The following WAPL variants were observed in gnomAD, a reference collection of about 807,000 sequenced individuals.
The protein encoded by WAPL is WAPL cohesin release factor, also known as wings apart-like protein homolog.
Under a neutral mutation model 121.0 loss-of-function variants are expected in WAPL, and 5 were observed. The observed-to-expected ratio is 0.04, with a 90% confidence interval of 0.02 to 0.09. The LOEUF (loss-of-function observed/expected upper bound fraction) is 0.09. WAPL is among the 10% of genes least tolerant of loss of function. The pLI, the probability that WAPL is intolerant of heterozygous loss-of-function variation, is 1.00. For missense variants in WAPL, 999 were observed against 1,410.8 expected, an observed-to-expected ratio of 0.71 and a Z score of 4.68; for synonymous variants, 480 against 481.5, an observed-to-expected ratio of 1.00 and a Z score of 0.04.
In WAPL at chr10:86,459,164, G is replaced by A. The variant is rs1025712025; in HGVS notation, c.2581-99C>T. Reference sequence around the variant, plus strand: ...TGGTGCGTAAAAGATACAAAGATGAGGAAGAAACAGCCCTTGTTACCAAAG... The same window carrying A: ...TGGTGCGTAAAAGATACAAAGATGAAGAAGAAACAGCCCTTGTTACCAAAG... On this transcript the variant is annotated intron_variant, in intron 11 of 18. Coordinates refer to ENST00000298767, the MANE Select transcript of WAPL (RefSeq NM_015045.5). The A allele has an allele frequency of 2.4e-5, 21 of 892,496 alleles. 1 individual carries two copies. The African/African-American group carries it at 2.4e-4, about 10-fold the overall frequency. The allele number at this position is 892,496 out of a possible 1,614,324, so 55.3% of individuals were successfully genotyped here.
chr10:86,518,700 C>T (rs760574195), intron 1 of WAPL, among the ~76,000 whole-genome samples: 1 of 152,190 alleles, frequency 6.6e-6, no homozygotes, highest in Admixed American at 6.5e-5. Flanking sequence ...AAATCTTAAG[C>T]ACAGAATGTT....
At position 86,518,115 on chromosome 10, in the gene WAPL, C is replaced by T. The variant is rs752459483; in HGVS notation, c.-22-24G>A. 4.9e-5 allele frequency: 77 copies of T among 1,585,120 alleles called. No homozygotes were observed. In the Middle Eastern group the frequency reaches 6.7e-4, roughly 14 times the overall value. On this transcript the variant is annotated intron_variant, in intron 1 of 18. Coordinates refer to ENST00000298767, the MANE Select transcript of WAPL (RefSeq NM_015045.5). The stretch of plus-strand genomic sequence containing the variant: ...CTCTGTGAAAAAAAATTTAAGAAAA[C>T]ATATAATCATCAAATACAAGTGTTA...
At chr10:86,515,707 G>A (rs186288724) in intron 2 of WAPL, among the ~76,000 whole-genome samples, 161 of 152,080 alleles carry the variant, frequency 1.1e-3, no homozygotes, top group Middle Eastern at 3.4e-3. Flanking sequence ...ACTTGAATCC[G>A]GGAAGCGGAG....
chr10:86,506,848 C>G (rs1035041607), intron 2 of WAPL, among the ~76,000 whole-genome samples: 1 of 152,102 alleles, frequency 6.6e-6, no homozygotes, highest in South Asian at 2.1e-4. Flanking sequence ...TTGCCCTACA[C>G]TGGACTAAGG....
intron 4 of WAPL, among the ~76,000 whole-genome samples, chr10:86,492,865 G>A (rs1842077061): frequency 6.6e-6 from 1 of 152,092 alleles, no homozygotes; most frequent in African/African-American, 2.4e-5. Flanking sequence ...AGACCATCCT[G>A]GCTAACACTG....
At position 86,445,680 on chromosome 10, in the gene WAPL, A is replaced by G. The variant is rs911381601; in HGVS notation, c.3322+562T>C. ...CCTAGGACTACAGGCTTGTGCCACC[A>G]TGCCAGGCTAATTTTTTATATTTTT... On this transcript the variant is annotated intron_variant, in intron 16 of 18. Transcript: ENST00000298767. Among the ~76,000 whole-genome samples the G allele has an allele frequency of 6.6e-5, 10 of 152,214 alleles. No homozygotes were observed. The East Asian group carries it at 1.7e-3, about 26-fold the overall frequency.
intron 9 of WAPL, among the ~76,000 whole-genome samples, chr10:86,463,388 C>CCCCTAAAACCTTCCAATGGGA (rs1167140180): frequency 1.3e-5 from 2 of 152,192 alleles, no homozygotes; most frequent in Non-Finnish European, 2.9e-5. Flanking sequence ...TGTTTTACTG[C>CCCCTAAAACCTTCCAATGGGA]CCCTAAAACC....
At position 86,446,340 on chromosome 10, in the gene WAPL, G is replaced by C; in HGVS notation, c.3224C>G (p.Thr1075Arg). 6.2e-7 allele frequency: 1 copy of C among 1,613,948 alleles called. No homozygotes were observed. The highest frequency in any genetic ancestry group is 2.2e-5 in the East Asian group (1 of 44,866). Reference protein sequence around the residue: ...QHDKSGEWQETSGEIQWVSTE... With the variant: ...QHDKSGEWQERSGEIQWVSTE... The stretch of plus-strand genomic sequence containing the variant: ...TGACACCCACTGTATTTCTCCACTT[G>C]TTTCTTGCCACTCTCCACTCTTATC... The change falls in exon 16 of 19, where the codon ACA becomes AGA. Residue 1075 changes from threonine (T) to arginine (R), a missense_variant. Thr to Arg is a moderately conservative substitution (Grantham distance 71, BLOSUM62 -1). This residue lies in a region of WAPL where 126 missense variants were observed against 144.0 expected (regional missense o/e 0.87). Coordinates refer to ENST00000298767, the MANE Select transcript of WAPL (RefSeq NM_015045.5).
chr10:86,469,629 A>T (rs535320818), intron 8 of WAPL, among the ~76,000 whole-genome samples: 19 of 152,270 alleles, frequency 1.2e-4, no homozygotes, highest in African/African-American at 4.6e-4. Context: ...AAAAGGTCTT[A>T]CATTTGGGAT....
Position 86,500,693 on chromosome 10 carries a change from G to C in WAPL, c.550C>G (p.His184Asp), listed in dbSNP as rs770171963. 2.5e-6 allele frequency: 4 copies of C among 1,595,634 alleles called. No homozygotes were observed. The highest frequency in any genetic ancestry group is 3.4e-6 in the Non-Finnish European group (4 of 1,175,030). Residue 184 changes from histidine (H) to aspartate (D), a missense_variant, in exon 3 of 19, where the codon CAC (histidine) becomes GAC (aspartate). His to Asp is a moderately conservative substitution (Grantham distance 81). Around this residue, in one of 7 missense-constraint regions of WAPL, gnomAD observed 531 missense variants for 563.1 expected, o/e 0.94. Coordinates refer to ENST00000298767, the MANE Select transcript of WAPL (RefSeq NM_015045.5). The part of the protein sequence containing the change: ...EEHEKNSHHI[H>D]KNADDSTKKP... ...TTAGTACTGTCATCAGCATTTTTGT[G>C]AATATGGTGACTATTCTTTTCATGT...
At chr10:86,518,460 G>A (rs949933281) in intron 1 of WAPL, among the ~76,000 whole-genome samples, 2 of 152,054 alleles carry the variant, frequency 1.3e-5, no homozygotes, top group Non-Finnish European at 2.9e-5. Flanking sequence ...TATCTGTATA[G>A]AGGCTGGGAG....
chr10:86,512,590 C>T (rs1224172334), intron 2 of WAPL, among the ~76,000 whole-genome samples: 1 of 152,202 alleles, frequency 6.6e-6, no homozygotes, highest in Non-Finnish European at 1.5e-5. Flanking sequence ...GAAGGGTGGA[C>T]CTTTAGCTCC....
At chr10:86,446,513 A>G in intron 15 of WAPL, 64 bp from the exon 16 acceptor site, 1 of 1,458,444 alleles carries the variant, frequency 6.9e-7, no homozygotes, top group Non-Finnish European at 9.3e-7. Context: ...ATATATGCAA[A>G]TATAAAGTTA....
chr10:86,456,740 T>C (rs1841155075), intron 12 of WAPL, among the ~76,000 whole-genome samples: 1 of 152,262 alleles, frequency 6.6e-6, no homozygotes, highest in Non-Finnish European at 1.5e-5. Context: ...TATTGAATGC[T>C]GGTCAGGATT....
chr10:86,497,849 C>T (rs1429168829), intron 3 of WAPL, among the ~76,000 whole-genome samples: 2 of 152,170 alleles, frequency 1.3e-5, no homozygotes, highest in Non-Finnish European at 2.9e-5. Context: ...CCTAATATAA[C>T]AAAGTTTAAT....
intron 4 of WAPL, among the ~76,000 whole-genome samples, chr10:86,481,187 A>G (rs903492467): frequency 6.6e-6 from 1 of 152,190 alleles, no homozygotes; most frequent in Admixed American, 6.5e-5. Context: ...ATAAACAGTC[A>G]ACATGTAAGA....
chr10:86,515,639 G>A (rs1378918865), intron 2 of WAPL, among the ~76,000 whole-genome samples: 1 of 151,884 alleles, frequency 6.6e-6, no homozygotes, highest in African/African-American at 2.4e-5. Flanking sequence ...AAAATTACCT[G>A]GGCATGATGG....
intron 1 of WAPL, among the ~76,000 whole-genome samples, chr10:86,518,502 GTT>G (rs1842603998): frequency 6.6e-6 from 1 of 152,244 alleles, no homozygotes; most frequent in Non-Finnish European, 1.5e-5. Context: ...GAGGCCAGGA[GTT>G]TGAGACCAGC....
At chr10:86,456,165 C>T (rs1841141736) in intron 12 of WAPL, among the ~76,000 whole-genome samples, 1 of 152,080 alleles carries the variant, frequency 6.6e-6, no homozygotes, top group Non-Finnish European at 1.5e-5. Context: ...GGGTACTAAG[C>T]TGAGAGAAGG....
Sources: allele counts gnomAD v4.1 joint callset (sites outside exome capture counted in the v4.1 genomes callset), GRCh38; gene constraint gnomAD v4.1.1; regional missense constraint gnomAD v4.1.1; transcripts MANE v1.5; gene names NCBI Gene and HGNC (gene_info 2026-07-23, HGNC 2026-07-21).